The following ASS1 variants were observed in gnomAD, a reference collection of about 807,000 sequenced individuals.
ASS1 encodes argininosuccinate synthase 1.
ASS1 carries 58 observed loss-of-function variants against 60.5 expected under a neutral mutation model. The observed-to-expected ratio is 0.96, with a 90% CI of 0.78 to 1.19. The LOEUF is 1.19. Ranked by LOEUF, ASS1 falls within the 50% of genes most tolerant of loss-of-function variation. ASS1 has a pLI of 0.00. For synonymous variants in ASS1, 200 were observed against 206.9 expected, an observed-to-expected ratio of 0.97 and a Z score of 0.29; for missense variants, 454 against 547.3, an observed-to-expected ratio of 0.83 and a Z score of 1.70.
intron 1 of ASS1, chr9:130,451,899 T>C (rs1390764629): frequency 1.9e-6 from 1 of 522,118 alleles, no homozygotes; most frequent in Non-Finnish European, 3.7e-6. Flanking sequence ...ATCCTGGCCT[T>C]GGGCCAAACT....
chr9:130,487,858 C>T (rs1432928933), intron 11 of ASS1, among the ~76,000 whole-genome samples: 2 of 152,042 alleles, frequency 1.3e-5, no homozygotes, highest in Non-Finnish European at 2.9e-5. Flanking sequence ...TCCAGTGATC[C>T]TCCTGCCTCA....
intron 1 of ASS1, among the ~76,000 whole-genome samples, chr9:130,446,953 A>G (rs749586105): frequency 9.9e-5 from 15 of 152,258 alleles, no homozygotes; most frequent in Admixed American, 1.3e-4. Flanking sequence ...GGGGTCGACC[A>G]GGCACCCATA....
Position 130,459,849 on chromosome 9 carries a change from C to T in ASS1, c.363+1260C>T, listed in dbSNP as rs1588476998. On this transcript the variant is annotated intron_variant, in intron 4 of 14. Transcript: ENST00000352480. The surrounding 1 kb of genome is among the most constrained non-coding windows in gnomAD (Gnocchi z 4.6). ...AATCAACCCATCCCGTACCCCTTCCCTCCGGGCCGTGTGTCCCAGTGCAGA... is the reference window on the plus strand; with the variant it reads ...AATCAACCCATCCCGTACCCCTTCCTTCCGGGCCGTGTGTCCCAGTGCAGA... Among the ~76,000 whole-genome samples, 1 of 152,250 alleles carries T rather than the reference C, an allele frequency of 6.6e-6. No homozygotes were observed. Among genetic ancestry groups the T allele is most frequent in the South Asian group, 2.1e-4 (1 of 4,832 alleles).
intron 11 of ASS1, 146 bp downstream of exon 11, chr9:130,480,595 C>A: frequency 1.2e-6 from 1 of 821,770 alleles, no homozygotes; most frequent in Non-Finnish European, 2.0e-6. Flanking sequence ...CGTGAGACCG[C>A]AGTTTCCCTC....
chr9:130,450,406 G>A (rs537034604), intron 1 of ASS1: 221 of 936,378 alleles, frequency 2.4e-4, no homozygotes, highest in Admixed American at 3.1e-4. Context: ...CCAATTGCCT[G>A]GCTGCAGTTG....
rs548408870 is a variant in ASS1, at chr9:130,488,422, G to A, written c.839-911G>A. Reference sequence around the variant, plus strand: ...AGCTCTGAAGTTGATGCGAGAGGTCGCACTCCTGGGGCAAGAGGGGGCCTG... The same window carrying A: ...AGCTCTGAAGTTGATGCGAGAGGTCACACTCCTGGGGCAAGAGGGGGCCTG... On this transcript the variant is annotated intron_variant, in intron 11 of 14. Coordinates refer to ENST00000352480, the MANE Select transcript of ASS1 (RefSeq NM_054012.4). The surrounding 1 kb of genome is among the most constrained non-coding windows in gnomAD (Gnocchi z 5.2). Among the ~76,000 whole-genome samples, 136 of 152,324 alleles carry A rather than the reference G, an allele frequency of 8.9e-4. No homozygotes were observed. The highest frequency in any genetic ancestry group is 1.3e-3 in the Non-Finnish European group (90 of 68,026).
chr9:130,497,364 G>A (rs1005056470), intron 13 of ASS1, among the ~76,000 whole-genome samples: 1 of 152,120 alleles, frequency 6.6e-6, no homozygotes, highest in African/African-American at 2.4e-5. Flanking sequence ...AGCCGTGAGA[G>A]GTAGCAGAGC....
At chr9:130,487,400 G>T (rs1283692081) in intron 11 of ASS1, among the ~76,000 whole-genome samples, 5 of 147,516 alleles carry the variant, frequency 3.4e-5, no homozygotes, top group Non-Finnish European at 7.5e-5. Flanking sequence ...ATCCTTCATG[G>T]TTTTTTTTTT....
intron 7 of ASS1, among the ~76,000 whole-genome samples, chr9:130,471,197 G>A (rs940821602): frequency 1.3e-5 from 2 of 152,206 alleles, no homozygotes; most frequent in Non-Finnish European, 2.9e-5. Flanking sequence ...CCCAGATGTG[G>A]CACAGGGGAA....
intron 11 of ASS1, among the ~76,000 whole-genome samples, chr9:130,481,660 G>T (rs147984038): frequency 6.6e-6 from 1 of 152,192 alleles, no homozygotes; most frequent in Admixed American, 6.5e-5. Context: ...AGTGTAATGC[G>T]GTAGGCGCTG....
At chr9:130,466,585 C>T in intron 5 of ASS1, 140 bp from the exon 6 acceptor site, 5 of 801,444 alleles carry the variant, frequency 6.2e-6, no homozygotes, top group South Asian at 6.0e-5. Flanking sequence ...CTCCCTCTCA[C>T]CCTCACAACA....
intron 2 of ASS1, among the ~76,000 whole-genome samples, 161 bp from the exon 3 acceptor site, chr9:130,454,144 T>C (rs1248930519): frequency 1.3e-5 from 2 of 152,156 alleles, no homozygotes; most frequent in African/African-American, 4.8e-5. Flanking sequence ...GAATCTCACC[T>C]CTCCAGGCCT....
intron 11 of ASS1, among the ~76,000 whole-genome samples, chr9:130,481,747 G>A (rs1391949412): frequency 1.3e-5 from 2 of 152,302 alleles, no homozygotes; most frequent in African/African-American, 2.4e-5. Flanking sequence ...GGCGGGGACG[G>A]GCTTGCCTCG....
chr9:130,454,288 C>A lies in ASS1; in HGVS notation c.106-17C>A. On this transcript the variant is annotated splice_polypyrimidine_tract_variant and intron_variant, in intron 2 of 14. Transcript: ENST00000352480. ...CCCCCCAGGGGCTGACGGAGCCTCT[C>A]CGCTTCTGCTTCTCAGGCCAACATT... 6.2e-7 allele frequency: 1 copy of A among 1,607,272 alleles called. No homozygotes were observed. Among genetic ancestry groups the A allele is most frequent in the Non-Finnish European group, 8.5e-7 (1 of 1,177,520 alleles).
At chr9:130,490,829 G>A (rs1315829156) in intron 12 of ASS1, among the ~76,000 whole-genome samples, 1 of 152,028 alleles carries the variant, frequency 6.6e-6, no homozygotes, top group African/African-American at 2.4e-5. Context: ...TTGACTCTCT[G>A]GCCCTTCCCA....
chr9:130,464,484 G>C (rs1845679185), intron 5 of ASS1, among the ~76,000 whole-genome samples: 1 of 152,094 alleles, frequency 6.6e-6, no homozygotes, highest in Non-Finnish European at 1.5e-5. Context: ...TGGCACCCCA[G>C]GTGCGGGCAG....
At chr9:130,458,969 C>A (rs771545746) in intron 4 of ASS1, among the ~76,000 whole-genome samples, 1 of 152,248 alleles carries the variant, frequency 6.6e-6, no homozygotes, top group Non-Finnish European at 1.5e-5. Context: ...GGTTCAAAGG[C>A]AGCTCTGCTG....
At chr9:130,499,468 G>A in intron 13 of ASS1, 37 bp from the exon 14 acceptor site, 1 of 1,605,900 alleles carries the variant, frequency 6.2e-7, no homozygotes, top group Non-Finnish European at 8.5e-7. Context: ...AGAGGCCAGG[G>A]CCAGGCTGAG....
rs375643788 is a variant in ASS1 at position 130,475,773 on chromosome 9, G to T, written c.598-1098G>T. On this transcript the variant is annotated intron_variant, in intron 8 of 14. Transcript: ENST00000352480. ...TTTTTTTTTTTTTTGGTGGGGGGGTGGGGGACGGAATCTTGCTCTCTCACC... is the reference window on the plus strand; with the variant it reads ...TTTTTTTTTTTTTTGGTGGGGGGGTTGGGGACGGAATCTTGCTCTCTCACC... 6.5e-3 allele frequency among the ~76,000 whole-genome samples: 962 copies of T among 148,352 alleles called. 15 individuals are homozygous for T. Among genetic ancestry groups the T allele is most frequent in the African/African-American group, 0.023 (920 of 40,098 alleles).
Sources: allele counts gnomAD v4.1 joint callset (sites outside exome capture counted in the v4.1 genomes callset), GRCh38; gene constraint gnomAD v4.1.1; non-coding constraint Gnocchi (gnomAD v3.1); transcripts MANE v1.5; gene names NCBI Gene and HGNC (gene_info 2026-07-23, HGNC 2026-07-21).